Variants in ACTR1B observed in about 807,000 individuals in gnomAD.
ACTR1B encodes the protein actin related protein 1B.
Under a neutral mutation model 49.4 loss-of-function variants are expected in ACTR1B, and 34 were observed. The observed-to-expected ratio is 0.69, with a 90% CI of 0.52 to 0.92. ACTR1B has a LOEUF of 0.92. Among genes scored for constraint, ACTR1B ranks in the 40% least tolerant of loss-of-function variants. The pLI, the probability that ACTR1B is intolerant of heterozygous loss-of-function variation, is 0.00. For missense variants in ACTR1B, 471 were observed against 522.4 expected (o/e 0.90, Z 0.96); for synonymous variants, 207 against 207.8 (o/e 1.00, Z 0.03).
Position 97,658,890 on chromosome 2 carries a change from A to C in ACTR1B, c.429T>G (p.Ala143=). 6.2e-7 allele frequency: 1 copy of C among 1,614,102 alleles called. No homozygotes were observed. Among genetic ancestry groups the C allele is most frequent in the Non-Finnish European group, 8.5e-7 (1 of 1,180,002 alleles). Residue 143 remains alanine (A), a synonymous_variant, in exon 5 of 11, where the codon GCT becomes GCG. Coordinates refer to ENST00000289228, the MANE Select transcript of ACTR1B (RefSeq NM_005735.4). The surrounding 1 kb of genome is among the most constrained non-coding windows in gnomAD (Gnocchi z 5.9). ...TAGGGAGCACTCACAGACTGAGCAC[A>C]GCCTGCATGGAGATGAACAGGGCCG... ...NVPALFISMQ[A]VLSLYATGRT...
chr2:97,659,457 G>A lies in ACTR1B; in HGVS notation c.210C>T (p.Thr70=). Reference sequence around the variant, plus strand: ...CGCCGTGCTCCATGGGGTAGCGGATGGTCAGCAGCCCCCGGTGCTCCTGGT... The same window carrying A: ...CGCCGTGCTCCATGGGGTAGCGGATAGTCAGCAGCCCCCGGTGCTCCTGGT... ...PKAEEHRGLL[T]IRYPMEHGVV... is the part of the protein sequence containing the mutation. The change falls in exon 4 of 11, where the codon ACC becomes ACT. Residue 70 remains threonine, a synonymous_variant. Coordinates refer to ENST00000289228, the MANE Select transcript of ACTR1B (RefSeq NM_005735.4). This position sits in a 1 kb window ranked among gnomAD's most constrained non-coding sequence, Gnocchi z 4.0. The A allele has an allele frequency of 1.9e-6, 3 of 1,613,844 alleles. No homozygotes were observed. Among genetic ancestry groups the A allele is most frequent in the Non-Finnish European group, 2.5e-6 (3 of 1,179,970 alleles).
At position 97,658,933 on chromosome 2, in the gene ACTR1B, A is replaced by G. The variant is rs931534749; in HGVS notation, c.386T>C (p.Phe129Ser). ...CAGGGCCGGCACGTTGAAGGTCTCA[A>G]AGAACACCTCTGCCGCCTTCTCCCG... ...KNREKAAEVF[F>S]ETFNVPALFI... Residue 129 changes from phenylalanine to serine, a missense_variant, in exon 5 of 11, where the codon TTT (phenylalanine) becomes TCT (serine). By Grantham distance (155) the Phe-to-Ser change is radical. Transcript: ENST00000289228. This position sits in a 1 kb window ranked among gnomAD's most constrained non-coding sequence, Gnocchi z 5.9. The G allele has an allele frequency of 5.0e-6, 8 of 1,614,130 alleles. No homozygotes were observed. The highest frequency in any genetic ancestry group is 6.8e-6 in the Non-Finnish European group (8 of 1,179,998).
At position 97,659,663 on chromosome 2, in the gene ACTR1B, C is replaced by A; in HGVS notation, c.190-186G>T. The A allele has an allele frequency of 1.3e-6, 1 of 791,822 alleles. No homozygotes were observed. The highest frequency in any genetic ancestry group is 1.8e-5 in the South Asian group (1 of 55,158). The allele number at this position is 791,822 out of a possible 1,614,324, so 49.0% of individuals were successfully genotyped here. ...AACTCAGCATGGGCTCACCTGCCCACCAGCTTCTTAGGCTCTTAGAGCCCA... is the reference window on the plus strand; with the variant it reads ...AACTCAGCATGGGCTCACCTGCCCAACAGCTTCTTAGGCTCTTAGAGCCCA... On this transcript the variant is annotated intron_variant, in intron 3 of 10. Transcript: ENST00000289228. This position sits in a 1 kb window ranked among gnomAD's most constrained non-coding sequence, Gnocchi z 4.0.
At chr2:97,660,778 C>A in intron 2 of ACTR1B, 132 bp from the exon 3 acceptor site, 1 of 857,544 alleles carries the variant, frequency 1.2e-6, no homozygotes, top group Non-Finnish European at 1.9e-6. Context: ...CTGGGGGGCA[C>A]AGGTTGGAAC....
Position 97,658,935 on chromosome 2 carries a change from G to T in ACTR1B, c.384C>A (p.Phe128Leu), listed in dbSNP as rs752394090. ...GGGCCGGCACGTTGAAGGTCTCAAA[G>T]AACACCTCTGCCGCCTTCTCCCGGT... ...SKNREKAAEV[F>L]FETFNVPALF... is the part of the protein sequence containing the mutation. Residue 128 changes from phenylalanine (F) to leucine (L), a missense_variant, in exon 5 of 11, where the codon TTC (phenylalanine) becomes TTA (leucine). By Grantham distance (22) the Phe-to-Leu change is conservative. Transcript: ENST00000289228. The surrounding 1 kb of genome is among the most constrained non-coding windows in gnomAD (Gnocchi z 5.9). The T allele has an allele frequency of 1.2e-6, 2 of 1,614,152 alleles. No homozygotes were observed. The highest frequency in any genetic ancestry group is 2.2e-5 in the South Asian group (2 of 91,082).
rs2104501847 is a variant in ACTR1B, at chr2:97,659,337, G to C, written c.315+15C>G. Reference sequence around the variant, plus strand: ...CAGGAGAATGCAGAGCATGCAGGAGGGGCAGCCGCCACACCTCCTCCGAGA... The same window carrying C: ...CAGGAGAATGCAGAGCATGCAGGAGCGGCAGCCGCCACACCTCCTCCGAGA... On this transcript the variant is annotated intron_variant, in intron 4 of 10. Coordinates refer to ENST00000289228, the MANE Select transcript of ACTR1B (RefSeq NM_005735.4). This position sits in a 1 kb window ranked among gnomAD's most constrained non-coding sequence, Gnocchi z 4.0. 1 of 1,613,690 alleles carries C rather than the reference G, an allele frequency of 6.2e-7. No individual in the cohort carries two copies. The highest frequency in any genetic ancestry group is 8.5e-7 in the Non-Finnish European group (1 of 1,179,956).
At chr2:97,663,265 T>C (rs1055178387) in intron 1 of ACTR1B, among the ~76,000 whole-genome samples, 1 of 152,132 alleles carries the variant, frequency 6.6e-6, no homozygotes, top group Non-Finnish European at 1.5e-5. Flanking sequence ...CCATGAACTC[T>C]CCATTGCTCT....
intron 9 of ACTR1B, 51 bp from the exon 10 acceptor site, chr2:97,657,243 T>C (rs749447815): frequency 6.2e-7 from 1 of 1,601,848 alleles, no homozygotes; most frequent in East Asian, 2.2e-5. Context: ...CCAGAAGCCA[T>C]CCTCCCAGCC....
chr2:97,659,351 C>T lies in ACTR1B; in HGVS notation c.315+1G>A. Reference sequence around the variant, plus strand: ...GCATGCAGGAGGGGCAGCCGCCACACCTCCTCCGAGAAGGTCTGCAGCTGA... The same window carrying T: ...GCATGCAGGAGGGGCAGCCGCCACATCTCCTCCGAGAAGGTCTGCAGCTGA... On this transcript the variant is annotated splice_donor_variant, in intron 4 of 10. Coordinates refer to ENST00000289228, the MANE Select transcript of ACTR1B (RefSeq NM_005735.4). LOFTEE classifies it high-confidence loss of function. This position sits in a 1 kb window ranked among gnomAD's most constrained non-coding sequence, Gnocchi z 4.0. 6.2e-7 allele frequency: 1 copy of T among 1,613,930 alleles called. No individual in the cohort carries two copies. The highest frequency in any genetic ancestry group is 8.5e-7 in the Non-Finnish European group (1 of 1,179,996).
At position 97,656,081 on chromosome 2, in the gene ACTR1B, A is replaced by G. The variant is rs1674828400; in HGVS notation, c.*777T>C. On this transcript the variant is annotated 3_prime_UTR_variant, in exon 11 of 11. Coordinates refer to ENST00000289228, the MANE Select transcript of ACTR1B (RefSeq NM_005735.4). Reference sequence around the variant, plus strand: ...TGGGGCCCTGGCCACAGCAAAAGTGACGACCTCTTTCTTGGGTGAGGTAAG... The same window carrying G: ...TGGGGCCCTGGCCACAGCAAAAGTGGCGACCTCTTTCTTGGGTGAGGTAAG... 6.6e-6 allele frequency: 1 copy of G among 152,248 alleles called. No individual in the cohort carries two copies. Among genetic ancestry groups the G allele is most frequent in the Admixed American group, 6.5e-5 (1 of 15,280 alleles). 9.4% of individuals were successfully genotyped at this position (152,248 alleles called of 1,614,324 possible). A position where few individuals can be genotyped will look rare whatever the true frequency, so the allele number is the denominator to read the frequency against.
At position 97,656,921 on chromosome 2, in the gene ACTR1B, C is replaced by T; in HGVS notation, c.1068G>A (p.Met356Ile). 1 of 1,596,268 alleles carries T rather than the reference C, an allele frequency of 6.3e-7. No homozygotes were observed. Among genetic ancestry groups the T allele is most frequent in the Non-Finnish European group, 8.5e-7 (1 of 1,171,306 alleles). Residue 356 changes from methionine (M) to isoleucine (I), a missense_variant, in exon 11 of 11, where the codon ATG (methionine) becomes ATA (isoleucine). Transcript: ENST00000289228. Reference protein sequence around the residue: ...ILASLDTFKKMWVSKKEYEED... With the variant: ...ILASLDTFKKIWVSKKEYEED... Reference sequence around the variant, plus strand: ...CTTCATACTCCTTTTTGGACACCCACATCTTCTTAAAAGTGTCCAGCGAGG... The same window carrying T: ...CTTCATACTCCTTTTTGGACACCCATATCTTCTTAAAAGTGTCCAGCGAGG...
At chr2:97,660,792 G>A (rs1260418480) in intron 2 of ACTR1B, 146 bp from the exon 3 acceptor site, 2 of 755,764 alleles carry the variant, frequency 2.6e-6, no homozygotes, top group African/African-American at 1.7e-5. Flanking sequence ...TTGGAACTGG[G>A]GCCTATGGGG....
chr2:97,661,125 A>G (rs1675002976), intron 2 of ACTR1B, among the ~76,000 whole-genome samples: 1 of 152,244 alleles, frequency 6.6e-6, no homozygotes, highest in Admixed American at 6.5e-5. Flanking sequence ...CTTGGAAACT[A>G]TAGGATCTGA....
rs1410059113 is a variant in ACTR1B at position 97,663,965 on chromosome 2, G to C, written c.-75C>G. 1.1e-6 allele frequency: 1 copy of C among 883,938 alleles called. No homozygotes were observed. Among genetic ancestry groups the C allele is most frequent in the South Asian group, 4.5e-5 (1 of 22,342 alleles). The allele number at this position is 883,938 out of a possible 1,614,324, so 54.8% of individuals were successfully genotyped here. On this transcript the variant is annotated 5_prime_UTR_variant, in exon 1 of 11. Coordinates refer to ENST00000289228, the MANE Select transcript of ACTR1B (RefSeq NM_005735.4). ...GATGGGCGGGCGGGCGGGAGGACCG[G>C]GACGGCGGCGGCTCCCGACGCGGCG... is the stretch of plus-strand genomic sequence containing the variant.
chr2:97,656,941 G>A lies in ACTR1B; in HGVS notation c.1048C>T (p.Leu350=). ...TWIGGSILAS[L]DTFKKMWVSK... The stretch of plus-strand genomic sequence containing the variant: ...ACCCACATCTTCTTAAAAGTGTCCA[G>A]CGAGGCCAGGATGGAGCCGCTGTGG... Residue 350 remains leucine, a synonymous_variant, in exon 11 of 11, where the codon CTG becomes TTG. Transcript: ENST00000289228. The A allele has an allele frequency of 6.3e-7, 1 of 1,594,444 alleles. No individual in the cohort carries two copies. The highest frequency in any genetic ancestry group is 1.7e-4 in the Middle Eastern group (1 of 6,026).
rs529531024 is a variant in ACTR1B, at chr2:97,657,351, G to A, written c.987+97C>T. ...GGGAAGAACAGGACTAGGTGGACGT[G>A]AGCTGGTGAGCGGGTCTGGGGGCAG... On this transcript the variant is annotated intron_variant, in intron 9 of 10. Transcript: ENST00000289228. The A allele has an allele frequency of 2.0e-6, 3 of 1,496,334 alleles. No individual in the cohort carries two copies. The African/African-American group carries it at 4.1e-5, about 21-fold the overall frequency. The allele number at this position is 1,496,334 out of a possible 1,614,324, so 92.7% of individuals were successfully genotyped here. A position where few individuals can be genotyped will look rare whatever the true frequency, so the allele number is the denominator to read the frequency against.
At chr2:97,662,881 G>A (rs1675058925) in intron 1 of ACTR1B, among the ~76,000 whole-genome samples, 1 of 152,174 alleles carries the variant, frequency 6.6e-6, no homozygotes, top group Non-Finnish European at 1.5e-5. Flanking sequence ...CCCAAGCTCA[G>A]TGCTAACCTC....
rs773116981 is a variant in ACTR1B at position 97,663,894 on chromosome 2, C to T, written c.-4G>A. The T allele has an allele frequency of 3.2e-6, 4 of 1,231,838 alleles. No individual in the cohort carries two copies. The highest frequency in any genetic ancestry group is 3.1e-4 in the Middle Eastern group (1 of 3,184). The allele number at this position is 1,231,838 out of a possible 1,614,324, so 76.3% of individuals were successfully genotyped here. On this transcript the variant is annotated 5_prime_UTR_variant, in exon 1 of 11. Transcript: ENST00000289228. ...CGATGATGTCGTAGGACTCCATGGC[C>T]GGGCCGCGCCGGCCCTGCCCAGCAG...
chr2:97,660,613 A>T lies in ACTR1B; in HGVS notation c.147T>A (p.Ala49=). The change falls in exon 3 of 11, where the codon GCT becomes GCA. Residue 49 remains alanine, a synonymous_variant. Transcript: ENST00000289228. ...VGRPKHMRVM[A]GALEGDLFIG... is the part of the protein sequence containing the mutation. ...TGAAGAGGTCCCCCTCCAGGGCTCC[A>T]GCCATCACCCGCATGTGCTTCGGCC... The T allele has an allele frequency of 6.2e-7, 1 of 1,614,092 alleles. No homozygotes were observed. The highest frequency in any genetic ancestry group is 8.5e-7 in the Non-Finnish European group (1 of 1,180,018).
Sources: allele counts gnomAD v4.1 joint callset (sites outside exome capture counted in the v4.1 genomes callset), GRCh38; gene constraint gnomAD v4.1.1; non-coding constraint Gnocchi (gnomAD v3.1); transcripts MANE v1.5; gene names NCBI Gene and HGNC (gene_info 2026-07-23, HGNC 2026-07-21).